Variants in CDH18 observed in about 807,000 individuals in gnomAD.
CDH18 encodes the protein cadherin 18, also known as cadherin-18.
A neutral mutation model predicts 67.9 loss-of-function variants in CDH18; 31 were observed. That is an observed-to-expected ratio of 0.46 (90% CI 0.34 to 0.62). CDH18 has a LOEUF of 0.62. Ranked by LOEUF, CDH18 falls within the 20% of genes least tolerant of loss-of-function variation. CDH18 has a pLI of 0.01. For missense variants in CDH18, 890 were observed against 975.5 expected (o/e 0.91, Z 1.17); for synonymous variants, 362 against 347.2 (o/e 1.04, Z -0.48).
intron 2 of CDH18, among the ~76,000 whole-genome samples, chr5:20,090,352 T>C (rs997837412): frequency 6.6e-6 from 1 of 151,976 alleles, no homozygotes; most frequent in Non-Finnish European, 1.5e-5. Flanking sequence ...TTGACCAATA[T>C]AGAGAAACCC....
intron 1 of CDH18, among the ~76,000 whole-genome samples, chr5:20,457,246 A>G (rs984244970): frequency 1.3e-5 from 2 of 152,200 alleles, no homozygotes; most frequent in African/African-American, 4.8e-5. Context: ...AGGCAAGACA[A>G]TGTACCATGT....
At chr5:19,563,484 GCTT>G (rs755906405) in intron 8 of CDH18, among the ~76,000 whole-genome samples, 13 of 152,132 alleles carry the variant, frequency 8.5e-5, no homozygotes, top group Non-Finnish European at 1.8e-4. Flanking sequence ...AAGCTCTCTA[GCTT>G]CTTGTTTTCA....
At chr5:20,138,941 C>G (rs1580330267) in intron 2 of CDH18, among the ~76,000 whole-genome samples, 1 of 152,142 alleles carries the variant, frequency 6.6e-6, no homozygotes. Flanking sequence ...CAATGACTCT[C>G]TTCACAGAAT....
chr5:19,517,170 A>C (rs1045146848), intron 10 of CDH18, among the ~76,000 whole-genome samples: 3 of 152,134 alleles, frequency 2.0e-5, no homozygotes, highest in Admixed American at 6.6e-5. Flanking sequence ...CTGTAGCGAT[A>C]TCACATTGTA....
intron 1 of CDH18, among the ~76,000 whole-genome samples, chr5:20,503,175 G>C (rs1754440715): frequency 8.1e-6 from 1 of 124,006 alleles, no homozygotes; most frequent in African/African-American, 2.9e-5. Flanking sequence ...TAATCTTTTA[G>C]ACAAACACAA....
intron 6 of CDH18, among the ~76,000 whole-genome samples, chr5:19,608,268 C>T (rs1024529752): frequency 2.0e-5 from 3 of 151,490 alleles, no homozygotes; most frequent in Non-Finnish European, 4.4e-5. Flanking sequence ...ATGCTCAAAA[C>T]GTTTCAAAAT....
At chr5:19,853,061 A>G (rs1265241368) in intron 2 of CDH18, among the ~76,000 whole-genome samples, 2 of 152,140 alleles carry the variant, frequency 1.3e-5, no homozygotes, top group East Asian at 3.9e-4. Flanking sequence ...AAACTGTGAG[A>G]GGCATGTGCA....
intron 2 of CDH18, among the ~76,000 whole-genome samples, chr5:20,189,422 T>G (rs966271770): frequency 6.6e-6 from 1 of 152,126 alleles, no homozygotes; most frequent in Non-Finnish European, 1.5e-5. Flanking sequence ...ATGGAAGACA[T>G]TCAAATGATA....
intron 1 of CDH18, among the ~76,000 whole-genome samples, chr5:20,516,195 A>G (rs1189408157): frequency 1.3e-5 from 2 of 151,966 alleles, no homozygotes; most frequent in African/African-American, 4.8e-5. Flanking sequence ...TTTGTAAAAT[A>G]TTAAGTAAAA....
At chr5:19,917,413 T>C (rs571283800) in intron 2 of CDH18, among the ~76,000 whole-genome samples, 1 of 150,864 alleles carries the variant, frequency 6.6e-6, no homozygotes, top group East Asian at 2.0e-4. Flanking sequence ...TTTAGAACAA[T>C]GGTCCTTAAA....
At chr5:20,238,554 C>T (rs1053393146) in intron 2 of CDH18, among the ~76,000 whole-genome samples, 1 of 152,024 alleles carries the variant, frequency 6.6e-6, no homozygotes. Flanking sequence ...ATCTAACATA[C>T]CAAGTTTTGA....
intron 7 of CDH18, among the ~76,000 whole-genome samples, chr5:19,580,633 C>T (rs1743091682): frequency 6.6e-6 from 1 of 151,804 alleles, no homozygotes; most frequent in Non-Finnish European, 1.5e-5. Context: ...AAACAATTAA[C>T]ATATATTAAT....
intron 1 of CDH18, among the ~76,000 whole-genome samples, chr5:20,539,519 AAAC>A (rs764988756): frequency 7.9e-5 from 12 of 152,228 alleles, no homozygotes; most frequent in Middle Eastern, 6.8e-3. Context: ...TTCCATAGTG[AAAC>A]AACAAGAAAT....
At chr5:19,948,311 C>A (rs767056791) in intron 2 of CDH18, among the ~76,000 whole-genome samples, 2 of 152,064 alleles carry the variant, frequency 1.3e-5, no homozygotes, top group Admixed American at 6.6e-5. Context: ...GAAATCTGTA[C>A]ACAAATGTTT....
intron 5 of CDH18, among the ~76,000 whole-genome samples, chr5:19,702,599 C>G (rs1167549565): frequency 1.3e-5 from 2 of 151,986 alleles, no homozygotes; most frequent in Admixed American, 6.5e-5. Flanking sequence ...AACCCCGTCT[C>G]TACTAAAAAT....
At chr5:19,566,448 A>G (rs1431086409) in intron 8 of CDH18, among the ~76,000 whole-genome samples, 1 of 152,230 alleles carries the variant, frequency 6.6e-6, no homozygotes, top group Non-Finnish European at 1.5e-5. Flanking sequence ...GGTAATTTAT[A>G]AAGAAAAAGA....
chr5:20,415,879 A>T (rs1484362805), intron 1 of CDH18, among the ~76,000 whole-genome samples: 6 of 152,194 alleles, frequency 3.9e-5, no homozygotes, highest in Non-Finnish European at 8.8e-5. Context: ...TATTGAAATA[A>T]GCCAGTCACA....
intron 1 of CDH18, among the ~76,000 whole-genome samples, chr5:20,533,980 G>A (rs1303933489): frequency 6.6e-6 from 1 of 151,892 alleles, no homozygotes; most frequent in African/African-American, 2.4e-5. Context: ...CCTAAGTATA[G>A]TTAAAATTTT....
chr5:19,693,777 T>A (rs899949741), intron 5 of CDH18, among the ~76,000 whole-genome samples: 1 of 151,626 alleles, frequency 6.6e-6, no homozygotes, highest in African/African-American at 2.4e-5. Flanking sequence ...CTGCCTGTAA[T>A]CCCAGCTACT....
Sources: gnomAD v4.1 joint callset for allele counts (sites outside exome capture counted in the v4.1 genomes callset) on GRCh38, gnomAD v4.1.1 for gene constraint, MANE v1.5 for transcripts, NCBI Gene and HGNC (gene_info 2026-07-23, HGNC 2026-07-21) for gene names.